GRM5: variants seen among roughly 807,000 people sequenced by gnomAD.
GRM5 encodes the protein metabotropic glutamate receptor 5.
In GRM5, 19 loss-of-function variants were observed where a neutral mutation model predicts 83.1. That is an observed-to-expected ratio of 0.23 (90% confidence interval 0.16 to 0.34). The LOEUF (loss-of-function observed/expected upper bound fraction) is 0.34, where lower values mean the gene tolerates loss of function less well. Among genes scored for constraint, GRM5 ranks in the 10% least tolerant of loss-of-function variants. The probability of loss-of-function intolerance (pLI) is 1.00; values close to 1 mark genes in which losing one functional copy is unlikely to be tolerated. For missense variants in GRM5, 1,160 were observed against 1,588.3 expected, an observed-to-expected ratio of 0.73 and a Z score of 4.58; for synonymous variants, 675 against 633.6, an observed-to-expected ratio of 1.07 and a Z score of -0.98.
intron 1 of GRM5, among the ~76,000 whole-genome samples, chr11:89,051,120 A>G (rs143183053): frequency 2.9e-3 from 437 of 152,072 alleles, no homozygotes; most frequent in African/African-American, 1.0e-2. Context: ...AATTAAAGTT[A>G]AAAAAAGAAA....
chr11:88,803,080 G>T (rs939919447), intron 3 of GRM5, among the ~76,000 whole-genome samples: 5 of 142,290 alleles, frequency 3.5e-5, no homozygotes, highest in Non-Finnish European at 7.5e-5. Flanking sequence ...TGGGTAGGAA[G>T]AATCAATATC....
Position 88,508,256 on chromosome 11 carries a change from C to G in GRM5, c.*336G>C, listed in dbSNP as rs1941233430. 1 of 196,068 alleles carries G rather than the reference C, an allele frequency of 5.1e-6. No homozygotes were observed. The highest frequency in any genetic ancestry group is 2.3e-5 in the African/African-American group (1 of 43,018). 12.1% of individuals were successfully genotyped at this position (196,068 alleles called of 1,614,324 possible). ...GCTTATTAACTATGCTCTTCACCCT[C>G]CGTTACGCTGTTTCACACGCACTGC... On this transcript the variant is annotated 3_prime_UTR_variant, in exon 10 of 10. Transcript: ENST00000305447. This position sits in a 1 kb window ranked among gnomAD's most constrained non-coding sequence, Gnocchi z 4.2.
chr11:88,596,295 C>G (rs562305867), intron 6 of GRM5, among the ~76,000 whole-genome samples: 1 of 152,272 alleles, frequency 6.6e-6, no homozygotes, highest in South Asian at 2.1e-4. Context: ...CTTGTTACCA[C>G]TATCACAGCA....
At chr11:88,952,869 G>T (rs1938505082) in intron 2 of GRM5, among the ~76,000 whole-genome samples, 1 of 152,066 alleles carries the variant, frequency 6.6e-6, no homozygotes, top group Non-Finnish European at 1.5e-5. Flanking sequence ...TCCCATAATT[G>T]TTTTTATCTG....
intron 7 of GRM5, among the ~76,000 whole-genome samples, chr11:88,581,523 C>T (rs923385160): frequency 6.6e-6 from 1 of 152,168 alleles, no homozygotes; most frequent in Non-Finnish European, 1.5e-5. Flanking sequence ...TGAATTGTTG[C>T]AGATTGGTAT....
chr11:89,040,692 C>T (rs1429079343), intron 2 of GRM5, among the ~76,000 whole-genome samples: 1 of 151,236 alleles, frequency 6.6e-6, no homozygotes, highest in Non-Finnish European at 1.5e-5. Context: ...TAGAGAGAGA[C>T]CCTGTCTCAA....
At chr11:88,594,802 G>C (rs1366004313) in intron 6 of GRM5, among the ~76,000 whole-genome samples, 1 of 152,148 alleles carries the variant, frequency 6.6e-6, no homozygotes, top group East Asian at 1.9e-4. Flanking sequence ...CAGAGTGAAG[G>C]TAAGGTTGAT....
chr11:88,789,105 G>A lies in GRM5; in HGVS notation c.911+60801C>T, dbSNP rs114032471. Among the ~76,000 whole-genome samples the A allele has an allele frequency of 1.5e-3, 230 of 152,272 alleles. 2 individuals are homozygous for A. The highest frequency in any genetic ancestry group is 5.2e-3 in the African/African-American group (216 of 41,562). On this transcript the variant is annotated intron_variant, in intron 3 of 9. Coordinates refer to ENST00000305447, the MANE Select transcript of GRM5 (RefSeq NM_001143831.3). ...CACTAGGCTAAAAATTAGGAGAATC[G>A]TGTTCTAAACCAGACCCAGATATGA...
At chr11:88,835,896 A>G (rs1944086421) in intron 3 of GRM5, among the ~76,000 whole-genome samples, 1 of 152,208 alleles carries the variant, frequency 6.6e-6, no homozygotes, top group Admixed American at 6.5e-5. Flanking sequence ...ATGTTCCAGG[A>G]TGTTGAAGTC....
intron 2 of GRM5, among the ~76,000 whole-genome samples, chr11:89,027,589 C>G (rs531254234): frequency 6.6e-6 from 1 of 152,152 alleles, no homozygotes; most frequent in Non-Finnish European, 1.5e-5. Flanking sequence ...GCAGTACTGA[C>G]CAAGCTCTCA....
chr11:89,036,299 T>G (rs1157786791), intron 2 of GRM5, among the ~76,000 whole-genome samples: 6 of 152,072 alleles, frequency 3.9e-5, no homozygotes, highest in Non-Finnish European at 7.4e-5. Context: ...TTTCGTGCAA[T>G]TGCAAACTTA....
At chr11:88,919,279 CAAT>C (rs1945649727) in intron 2 of GRM5, among the ~76,000 whole-genome samples, 1 of 46,768 alleles carries the variant, frequency 2.1e-5, no homozygotes, top group African/African-American at 4.6e-5. Flanking sequence ...GATTTTAAGA[CAAT>C]AACTACAAAA....
intron 2 of GRM5, among the ~76,000 whole-genome samples, chr11:88,947,984 CAG>C (rs1267237149): frequency 6.6e-6 from 1 of 152,048 alleles, no homozygotes; most frequent in Non-Finnish European, 1.5e-5. Context: ...TGAGCAGAAA[CAG>C]AGCTTTCATG....
chr11:88,563,138 C>T (rs1039153010), intron 8 of GRM5, among the ~76,000 whole-genome samples: 1 of 152,176 alleles, frequency 6.6e-6, no homozygotes, highest in African/African-American at 2.4e-5. Flanking sequence ...TTATTGAATA[C>T]TTTCTACGTG....
At chr11:88,762,330 A>T (rs1459769153) in intron 3 of GRM5, among the ~76,000 whole-genome samples, 1 of 152,128 alleles carries the variant, frequency 6.6e-6, no homozygotes, top group African/African-American at 2.4e-5. Flanking sequence ...AGGAACTTAA[A>T]TCTACAAGTA....
intron 2 of GRM5, chr11:88,925,781 T>C (rs1219585074): frequency 2.2e-6 from 1 of 452,602 alleles, no homozygotes; most frequent in East Asian, 7.0e-5. Flanking sequence ...GTGTGGTACA[T>C]GCCTGTAATC....
intron 2 of GRM5, among the ~76,000 whole-genome samples, chr11:88,916,684 G>A (rs1945598085): frequency 6.6e-6 from 1 of 151,660 alleles, no homozygotes; most frequent in South Asian, 2.1e-4. Flanking sequence ...ACCAGCTGGA[G>A]CAGCAAAGGG....
At chr11:88,816,550 A>G (rs113448868) in intron 3 of GRM5, among the ~76,000 whole-genome samples, 10,684 of 141,780 alleles carry the variant, frequency 0.075, 761 homozygotes, top group African/African-American at 0.21. Flanking sequence ...AAAAAAAAAA[A>G]AAAAGAAAAG....
At chr11:88,849,236 A>T (rs573808366) in intron 3 of GRM5, among the ~76,000 whole-genome samples, 110 of 152,062 alleles carry the variant, frequency 7.2e-4, no homozygotes, top group Middle Eastern at 3.4e-3. Flanking sequence ...ATATATGCAT[A>T]TTTTTTATTA....
Sources: gnomAD v4.1 joint callset for allele counts (sites outside exome capture counted in the v4.1 genomes callset) on GRCh38, gnomAD v4.1.1 for gene constraint, Gnocchi (gnomAD v3.1) non-coding constraint, MANE v1.5 for transcripts, NCBI Gene and HGNC (gene_info 2026-07-23, HGNC 2026-07-21) for gene names.